ERC2: variants seen among roughly 807,000 people sequenced by gnomAD.
The protein encoded by ERC2 is ELKS/RAB6-interacting/CAST family member 2, also known as ERC protein 2.
In ERC2, 42 loss-of-function variants were observed where a neutral mutation model predicts 114.8. The ratio of observed to expected loss-of-function variants is 0.37; its 90% confidence interval spans 0.29 to 0.47. The LOEUF (loss-of-function observed/expected upper bound fraction) is 0.47. Among genes scored for constraint, ERC2 ranks in the 20% least tolerant of loss-of-function variants. The pLI is 0.99. For missense variants in ERC2, 939 were observed against 1,150.7 expected (o/e 0.82, Z 2.66); for synonymous variants, 454 against 425.5 (o/e 1.07, Z -0.82).
intron 1 of ERC2, among the ~76,000 whole-genome samples, chr3:56,455,122 T>TAC (rs2063006534): frequency 6.6e-6 from 1 of 152,094 alleles, no homozygotes; most frequent in Non-Finnish European, 1.5e-5. Context: ...AGATTGATGG[T>TAC]GGTGATGGCT....
intron 14 of ERC2, among the ~76,000 whole-genome samples, chr3:55,823,808 A>G (rs2060221700): frequency 6.6e-6 from 1 of 152,110 alleles, no homozygotes; most frequent in Non-Finnish European, 1.5e-5. Flanking sequence ...GACGTGCCCC[A>G]CTTCCAGTAC....
At chr3:55,783,367 T>G (rs945948763) in intron 14 of ERC2, among the ~76,000 whole-genome samples, 2 of 152,132 alleles carry the variant, frequency 1.3e-5, no homozygotes, top group Non-Finnish European at 2.9e-5. Context: ...AGGGCTAAGG[T>G]AAGGTCTAAG....
At position 55,653,748 on chromosome 3, in the gene ERC2, G is replaced by A. The variant is rs573058335; in HGVS notation, c.*39+30046C>T. 4.3e-4 allele frequency among the ~76,000 whole-genome samples: 66 copies of A among 152,286 alleles called. 1 individual carries two copies. Among genetic ancestry groups the A allele is most frequent in the Middle Eastern group, 6.8e-3 (2 of 294 alleles). On this transcript the variant is annotated intron_variant, in intron 17 of 17. Coordinates refer to ENST00000288221, the MANE Select transcript of ERC2 (RefSeq NM_015576.3). ...CATATGCATTTTTAATTTAAAAAGT[G>A]ATAAAAATGACATTTAAAAGTGTTC...
At position 56,007,737 on chromosome 3, in the gene ERC2, C is replaced by T. The variant is rs142492409; in HGVS notation, c.1921-416G>A. ...ACTTTAATGCATCCGCTCCCAAGAG[C>T]AAGTCAAATATAAAAGAAGCCTCCT... On this transcript the variant is annotated intron_variant, in intron 9 of 17. Coordinates refer to ENST00000288221, the MANE Select transcript of ERC2 (RefSeq NM_015576.3). Among the ~76,000 whole-genome samples the T allele has an allele frequency of 2.7e-3, 413 of 152,168 alleles. 1 individual carries two copies. Among genetic ancestry groups the T allele is most frequent in the African/African-American group, 9.6e-3 (397 of 41,512 alleles).
chr3:55,626,766 T>C (rs2059537984), intron 17 of ERC2, among the ~76,000 whole-genome samples: 1 of 152,232 alleles, frequency 6.6e-6, no homozygotes, highest in African/African-American at 2.4e-5. Flanking sequence ...TCACAACTTG[T>C]CATCTGTGTA....
intron 4 of ERC2, among the ~76,000 whole-genome samples, chr3:56,166,309 A>G (rs1185160445): frequency 6.6e-6 from 1 of 152,076 alleles, no homozygotes; most frequent in East Asian, 1.9e-4. Context: ...GTGTTTACTC[A>G]GGAGATTGCT....
At chr3:56,145,739 G>A in intron 5 of ERC2, among the ~76,000 whole-genome samples, 1 of 152,138 alleles carries the variant, frequency 6.6e-6, no homozygotes, top group East Asian at 1.9e-4. Context: ...TTCCAAAAAT[G>A]TTATATCATG....
At chr3:55,875,885 G>T (rs1211074017) in intron 14 of ERC2, among the ~76,000 whole-genome samples, 2 of 151,958 alleles carry the variant, frequency 1.3e-5, no homozygotes, top group African/African-American at 4.8e-5. Flanking sequence ...GGATAGGAAA[G>T]GGGGAAAAAA....
At chr3:56,048,923 A>C (rs1374329310) in intron 7 of ERC2, among the ~76,000 whole-genome samples, 1 of 152,182 alleles carries the variant, frequency 6.6e-6, no homozygotes, top group African/African-American at 2.4e-5. Flanking sequence ...GAGTTACGTG[A>C]GATGGGTATT....
chr3:56,426,087 G>T (rs558841784), intron 2 of ERC2, among the ~76,000 whole-genome samples: 2 of 152,330 alleles, frequency 1.3e-5, no homozygotes, highest in Admixed American at 1.3e-4. Context: ...TATCAGGAAA[G>T]AAAAAGATTT....
At chr3:56,267,671 C>T (rs571929909) in intron 3 of ERC2, among the ~76,000 whole-genome samples, 72 of 151,666 alleles carry the variant, frequency 4.7e-4, no homozygotes, top group African/African-American at 1.7e-3. Context: ...CCCAGCTATT[C>T]GGGAGGCTGA....
intron 3 of ERC2, among the ~76,000 whole-genome samples, chr3:56,238,770 G>A (rs1367037122): frequency 3.9e-5 from 6 of 152,146 alleles, no homozygotes; most frequent in Admixed American, 3.9e-4. Flanking sequence ...CAATTAAATT[G>A]CTCTACAGTT....
chr3:55,883,927 A>C (rs6798281), intron 14 of ERC2, among the ~76,000 whole-genome samples: 13,984 of 144,718 alleles, frequency 0.097, 726 homozygotes, highest in South Asian at 0.16. Context: ...AACAACAACA[A>C]CACCACAAAA....
chr3:55,787,232 A>G (rs975257836), intron 14 of ERC2, among the ~76,000 whole-genome samples: 25 of 152,104 alleles, frequency 1.6e-4, no homozygotes, highest in African/African-American at 4.8e-4. Flanking sequence ...CCCAGGAAAT[A>G]TGGTGAAACC....
chr3:55,917,616 T>G (rs1259167295), intron 13 of ERC2, among the ~76,000 whole-genome samples: 1 of 152,002 alleles, frequency 6.6e-6, no homozygotes, highest in East Asian at 1.9e-4. Flanking sequence ...AACAGATTAG[T>G]GGTTACTGGA....
chr3:55,589,651 A>G (rs990009329), intron 17 of ERC2, among the ~76,000 whole-genome samples: 14 of 152,144 alleles, frequency 9.2e-5, no homozygotes, highest in African/African-American at 3.4e-4. Context: ...CCCAGCCTCC[A>G]GGAAAAGCAG....
chr3:55,707,910 C>T (rs1399317254), intron 15 of ERC2, among the ~76,000 whole-genome samples: 3 of 152,144 alleles, frequency 2.0e-5, no homozygotes, highest in Non-Finnish European at 4.4e-5. Context: ...GAAGATGAGG[C>T]TTAGGGATTA....
chr3:56,370,509 T>C (rs950992711), intron 2 of ERC2, among the ~76,000 whole-genome samples: 1 of 152,106 alleles, frequency 6.6e-6, no homozygotes, highest in Non-Finnish European at 1.5e-5. Context: ...CTATGGGATT[T>C]GTTCTCTTGG....
At chr3:55,664,047 C>G (rs2061253993) in intron 17 of ERC2, among the ~76,000 whole-genome samples, 1 of 152,216 alleles carries the variant, frequency 6.6e-6, no homozygotes, top group Non-Finnish European at 1.5e-5. Context: ...ATCTTTGCCA[C>G]TCAAAGGGTG....
Sources: gnomAD v4.1 joint callset for allele counts (sites outside exome capture counted in the v4.1 genomes callset) on GRCh38, gnomAD v4.1.1 for gene constraint, MANE v1.5 for transcripts, NCBI Gene and HGNC (gene_info 2026-07-23, HGNC 2026-07-21) for gene names.